ZNF805: variants seen among roughly 807,000 people sequenced by gnomAD.
ZNF805 encodes zinc finger protein 805.
Under a neutral mutation model 13.6 loss-of-function variants are expected in ZNF805, and 7 were observed. The observed-to-expected ratio is 0.51, with a 90% CI of 0.29 to 0.97. ZNF805 has a LOEUF of 0.97. Among genes scored for constraint, ZNF805 ranks in the 50% least tolerant of loss-of-function variants. ZNF805 has a pLI of 0.08. For synonymous variants in ZNF805, 293 were observed against 279.8 expected (o/e 1.05, Z -0.47); for missense variants, 604 against 771.0 (o/e 0.78, Z 2.57).
At chr19:57,250,550 A>G (rs2087645505) in intron 3 of ZNF805, among the ~76,000 whole-genome samples, 1 of 121,866 alleles carries the variant, frequency 8.2e-6, no homozygotes, top group South Asian at 2.7e-4. Flanking sequence ...GTCTTACTCT[A>G]AACTCTTATC....
Position 57,254,355 on chromosome 19 carries a change from A to G in ZNF805, c.1536A>G (p.Glu512=). The change falls in exon 4 of 4, where the codon GAA becomes GAG. Residue 512 remains glutamate, a synonymous_variant. Coordinates refer to ENST00000414468, the MANE Select transcript of ZNF805 (RefSeq NM_001023563.4). Reference sequence around the variant, plus strand: ...TTCATAGTGGAGAGAAGCCCTATGAATGCATCGAGTGTGGGAAAACATTTT... The same window carrying G: ...TTCATAGTGGAGAGAAGCCCTATGAGTGCATCGAGTGTGGGAAAACATTTT... ...QRIHSGEKPY[E]CIECGKTFCW... 2 of 1,613,716 alleles carry G rather than the reference A, an allele frequency of 1.2e-6. No homozygotes were observed. Among genetic ancestry groups the G allele is most frequent in the East Asian group, 2.2e-5 (1 of 44,812 alleles).
At chr19:57,244,915 C>A (rs1263688386) in intron 2 of ZNF805, among the ~76,000 whole-genome samples, 1 of 152,120 alleles carries the variant, frequency 6.6e-6, no homozygotes, top group African/African-American at 2.4e-5. Context: ...CTCCATCTCT[C>A]ACCCACTGCC....
Position 57,244,057 on chromosome 19 carries a change from C to G in ZNF805, c.157+8C>G, listed in dbSNP as rs1383241458. On this transcript the variant is annotated splice_region_variant and intron_variant, in intron 2 of 3. Transcript: ENST00000414468. ...GGCTCCTGGTATCTCTGGGTAAGGC[C>G]TTCCCCCTCCACCATGCAGGGGATC... 3 of 1,612,578 alleles carry G rather than the reference C, an allele frequency of 1.9e-6. No homozygotes were observed. Among genetic ancestry groups the G allele is most frequent in the Non-Finnish European group, 2.5e-6 (3 of 1,179,190 alleles).
chr19:57,247,282 C>G (rs1172313469), intron 2 of ZNF805, among the ~76,000 whole-genome samples: 2 of 152,090 alleles, frequency 1.3e-5, no homozygotes, highest in East Asian at 1.9e-4. Context: ...ACTGACCTGC[C>G]CCTCATCCTG....
rs2087712457 is a variant in ZNF805 at position 57,259,722 on chromosome 19, G to A, written c.*5019G>A. Among the ~76,000 whole-genome samples, 1 of 152,148 alleles carries A rather than the reference G, an allele frequency of 6.6e-6. No individual in the cohort carries two copies. Among genetic ancestry groups the A allele is most frequent in the Non-Finnish European group, 1.5e-5 (1 of 68,030 alleles). ...GGGGTTTCACTGTGTTAGCCAGGAT[G>A]GTCTCGATTTCCTGATCTGGTGATC... On this transcript the variant is annotated 3_prime_UTR_variant, in exon 4 of 4. Coordinates refer to ENST00000414468, the MANE Select transcript of ZNF805 (RefSeq NM_001023563.4).
chr19:57,260,871 A>C lies in ZNF805; in HGVS notation c.*6168A>C, dbSNP rs2087719997. 1.3e-5 allele frequency among the ~76,000 whole-genome samples: 2 copies of C among 152,218 alleles called. No homozygotes were observed. The highest frequency in any genetic ancestry group is 4.8e-5 in the African/African-American group (2 of 41,448). On this transcript the variant is annotated 3_prime_UTR_variant, in exon 4 of 4. Coordinates refer to ENST00000414468, the MANE Select transcript of ZNF805 (RefSeq NM_001023563.4). ...GTGGGGATGCACCCATAATCATCAT[A>C]AGAGAACACAAATTATTACTGTGTA...
chr19:57,254,142 T>C lies in ZNF805; in HGVS notation c.1323T>C (p.Thr441=), dbSNP rs1246285928. The change falls in exon 4 of 4, where the codon ACT becomes ACC. Residue 441 remains threonine (T), a synonymous_variant. Coordinates refer to ENST00000414468, the MANE Select transcript of ZNF805 (RefSeq NM_001023563.4). ...ECGKAFTHCS[T]FILHKRAHTG... ...GAAAGGCCTTCACCCACTGCTCTAC[T>C]TTCATCTTGCATAAAAGGGCCCACA... The C allele has an allele frequency of 3.7e-6, 6 of 1,613,384 alleles. No individual in the cohort carries two copies. Among genetic ancestry groups the C allele is most frequent in the East Asian group, 2.2e-5 (1 of 44,804 alleles).
rs923536184 is a variant in ZNF805, at chr19:57,259,533, T to C, written c.*4830T>C. Among the ~76,000 whole-genome samples the C allele has an allele frequency of 2.6e-5, 4 of 152,136 alleles. No individual in the cohort carries two copies. Among genetic ancestry groups the C allele is most frequent in the Non-Finnish European group, 5.9e-5 (4 of 68,030 alleles). On this transcript the variant is annotated 3_prime_UTR_variant, in exon 4 of 4. Transcript: ENST00000414468. Reference sequence around the variant, plus strand: ...TTTGTTTTGTTTTTTTGAGACAGACTCTTTGCTCTGTTGCCCAGGCTGGAG... The same window carrying C: ...TTTGTTTTGTTTTTTTGAGACAGACCCTTTGCTCTGTTGCCCAGGCTGGAG...
rs1439082691 is a variant in ZNF805 at position 57,255,670 on chromosome 19, AT to A, written c.*973del. Among the ~76,000 whole-genome samples, 2 of 152,046 alleles carry A rather than the reference AT, an allele frequency of 1.3e-5. No homozygotes were observed. Among genetic ancestry groups the A allele is most frequent in the Non-Finnish European group, 2.9e-5 (2 of 67,948 alleles). ...ATGTTGGCTAGTATACAGAAACATTATTTTTTCAATCTTATTTTGCTGTCTT... is the reference window on the plus strand; with the variant it reads ...ATGTTGGCTAGTATACAGAAACATTATTTTTCAATCTTATTTTGCTGTCTT... On this transcript the variant is annotated 3_prime_UTR_variant, in exon 4 of 4. Transcript: ENST00000414468.
chr19:57,253,087 C>T lies in ZNF805; in HGVS notation c.268C>T (p.Pro90Ser), dbSNP rs1186590018. 6 of 1,451,374 alleles carry T rather than the reference C, an allele frequency of 4.1e-6. No individual in the cohort carries two copies. Among genetic ancestry groups the T allele is most frequent in the African/African-American group, 1.4e-5 (1 of 69,834 alleles). The allele number at this position is 1,451,374 out of a possible 1,614,324, so 89.9% of individuals were successfully genotyped here. Residue 90 changes from proline (P) to serine (S), a missense_variant, in exon 4 of 4, where the codon CCC (proline) becomes TCC (serine). Around this residue, in one of 3 missense-constraint regions of ZNF805, gnomAD observed 327 missense variants for 378.2 expected, o/e 0.86. Transcript: ENST00000414468. The surrounding 1 kb of genome is among the most constrained non-coding windows in gnomAD (Gnocchi z 4.4). The part of the protein sequence containing the change: ...QGTCPGDKGK[P>S]KSTEPTTCEL... ...ATTTCTTTCAGGTGACAAAGGAAAA[C>T]CCAAGAGCACAGAACCTACCACCTG...
In ZNF805 at chr19:57,257,531, T is replaced by C. The variant is rs199621567; in HGVS notation, c.*2828T>C. Among the ~76,000 whole-genome samples, 1 of 86,392 alleles carries C rather than the reference T, an allele frequency of 1.2e-5. No individual in the cohort carries two copies. The highest frequency in any genetic ancestry group is 2.9e-5 in the African/African-American group (1 of 34,596). 56.7% of individuals were successfully genotyped at this position (86,392 alleles called of 152,430 possible). A position where few individuals can be genotyped will look rare whatever the true frequency, so the allele number is the denominator to read the frequency against. ...CCCTTTTTGTTCCTGTTAATACTCT[T>C]ATCAATTTTTATCTGATATTTGTGT... is the stretch of plus-strand genomic sequence containing the variant. On this transcript the variant is annotated 3_prime_UTR_variant, in exon 4 of 4. Coordinates refer to ENST00000414468, the MANE Select transcript of ZNF805 (RefSeq NM_001023563.4).
At chr19:57,251,138 A>C (rs1051131628) in intron 3 of ZNF805, among the ~76,000 whole-genome samples, 1 of 152,000 alleles carries the variant, frequency 6.6e-6, no homozygotes, top group Non-Finnish European at 1.5e-5. Context: ...CACATTTTTG[A>C]TGTTTCTGGA....
chr19:57,253,902 C>G lies in ZNF805; in HGVS notation c.1083C>G (p.His361Gln). The G allele has an allele frequency of 6.2e-7, 1 of 1,614,190 alleles. No homozygotes were observed. The highest frequency in any genetic ancestry group is 8.5e-7 in the Non-Finnish European group (1 of 1,180,044). ...AACACAGATCATACCTCATGTGGCA[C>G]CAGCAGACTCATACCGGGGAGAAGC... ...VFKHRSYLMW[H>Q]QQTHTGEKPY... Residue 361 changes from histidine to glutamine, a missense_variant, in exon 4 of 4, where the codon CAC (histidine) becomes CAG (glutamine). Coordinates refer to ENST00000414468, the MANE Select transcript of ZNF805 (RefSeq NM_001023563.4). This position sits in a 1 kb window ranked among gnomAD's most constrained non-coding sequence, Gnocchi z 4.4.
intron 1 of ZNF805, among the ~76,000 whole-genome samples, chr19:57,242,935 ACT>A (rs765860395): frequency 3.9e-5 from 6 of 152,074 alleles, no homozygotes; most frequent in Non-Finnish European, 7.4e-5. Flanking sequence ...AACATGTAAA[ACT>A]CTGGCTGAAC....
rs1353392602 is a variant in ZNF805, at chr19:57,261,374, TA to T, written c.*6672del. 1.2e-5 allele frequency: 2 copies of T among 166,992 alleles called. No homozygotes were observed. Among genetic ancestry groups the T allele is most frequent in the African/African-American group, 4.8e-5 (2 of 41,440 alleles). The allele number at this position is 166,992 out of a possible 1,614,324, so 10.3% of individuals were successfully genotyped here. A position where few individuals can be genotyped will look rare whatever the true frequency, so the allele number is the denominator to read the frequency against. ...AAGGGCTAAGGCATGCATGTTGTTT[TA>T]GGTGTGTTTGAGATGCCTGAAGAAC... is the stretch of plus-strand genomic sequence containing the variant. On this transcript the variant is annotated 3_prime_UTR_variant, in exon 4 of 4. Coordinates refer to ENST00000414468, the MANE Select transcript of ZNF805 (RefSeq NM_001023563.4).
Position 57,253,770 on chromosome 19 carries a change from CAA to C in ZNF805, c.953_954del (p.Lys318ArgfsTer9), listed in dbSNP as rs1290681275. 3.1e-6 allele frequency: 5 copies of C among 1,613,890 alleles called. No individual in the cohort carries two copies. The highest frequency in any genetic ancestry group is 2.7e-5 in the African/African-American group (2 of 74,922). On this transcript the variant is annotated frameshift_variant, in exon 4 of 4. Coordinates refer to ENST00000414468, the MANE Select transcript of ZNF805 (RefSeq NM_001023563.4). LOFTEE classifies it low-confidence loss of function (END_TRUNC). The surrounding 1 kb of genome is among the most constrained non-coding windows in gnomAD (Gnocchi z 4.4). ...SHTGEKPFVC[K>X]ECGKAFRDRP... Reference sequence around the variant, plus strand: ...ACACTGGAGAAAAACCCTTTGTGTGCAAAGAGTGTGGCAAAGCCTTTCGAGAT... The same window carrying C: ...ACACTGGAGAAAAACCCTTTGTGTGCAGAGTGTGGCAAAGCCTTTCGAGAT...
chr19:57,248,545 T>C, intron 2 of ZNF805, 60 bp from the exon 3 acceptor site: 1 of 1,404,834 alleles, frequency 7.1e-7, no homozygotes. Context: ...CAGACTAGAT[T>C]GAAGGTCTTT....
chr19:57,246,078 C>T (rs979576302), intron 2 of ZNF805, among the ~76,000 whole-genome samples: 11 of 152,208 alleles, frequency 7.2e-5, no homozygotes, highest in African/African-American at 1.4e-4. Flanking sequence ...TGAGACTTAA[C>T]GTCCTGCAAA....
chr19:57,245,778 C>CA (rs772154420), intron 2 of ZNF805, among the ~76,000 whole-genome samples: 427 of 123,376 alleles, frequency 3.5e-3, no homozygotes, highest in Middle Eastern at 4.4e-3. Flanking sequence ...GACTCCATCT[C>CA]AAAAAAAAAA....
Sources: allele counts gnomAD v4.1 joint callset (sites outside exome capture counted in the v4.1 genomes callset), GRCh38; gene constraint gnomAD v4.1.1; regional missense constraint gnomAD v4.1.1; non-coding constraint Gnocchi (gnomAD v3.1); transcripts MANE v1.5; gene names NCBI Gene and HGNC (gene_info 2026-07-23, HGNC 2026-07-21).